RIMS2: variants seen among roughly 807,000 people sequenced by gnomAD.
RIMS2 encodes the protein regulating synaptic membrane exocytosis protein 2.
A neutral mutation model predicts 174.4 loss-of-function variants in RIMS2; 59 were observed. The ratio of observed to expected loss-of-function variants is 0.34; its 90% confidence interval spans 0.27 to 0.42. The LOEUF is 0.42. Among genes scored for constraint, RIMS2 ranks in the 10% least tolerant of loss-of-function variants. The pLI is 1.00. For missense variants in RIMS2, 1,620 were observed against 1,666.3 expected, an observed-to-expected ratio of 0.97 and a Z score of 0.48; for synonymous variants, 606 against 572.5, an observed-to-expected ratio of 1.06 and a Z score of -0.84.
At chr8:103,519,821 TATA>T (rs1265205542) in intron 1 of RIMS2, among the ~76,000 whole-genome samples, 1 of 150,758 alleles carries the variant, frequency 6.6e-6, no homozygotes, top group Non-Finnish European at 1.5e-5. Flanking sequence ...CCTGTAACAA[TATA>T]ATATTTTCAG....
chr8:104,155,084 T>G (rs1199549334), intron 19 of RIMS2, among the ~76,000 whole-genome samples: 2 of 151,722 alleles, frequency 1.3e-5, no homozygotes, highest in African/African-American at 2.4e-5. Context: ...GGGGTGTTAG[T>G]TTTTTTTGTT....
At chr8:104,135,577 G>C (rs1250367720) in intron 19 of RIMS2, among the ~76,000 whole-genome samples, 1 of 140,724 alleles carries the variant, frequency 7.1e-6, no homozygotes, top group African/African-American at 2.7e-5. Context: ...GTGCACTCCA[G>C]CCTGGGTGCC....
chr8:104,126,959 C>T (rs1255039711), intron 19 of RIMS2, among the ~76,000 whole-genome samples: 1 of 152,130 alleles, frequency 6.6e-6, no homozygotes, highest in Non-Finnish European at 1.5e-5. Context: ...TTCATCAGTG[C>T]TACCCTAAGG....
chr8:103,600,520 C>T (rs551506215), intron 1 of RIMS2, among the ~76,000 whole-genome samples: 14 of 152,296 alleles, frequency 9.2e-5, no homozygotes, highest in Admixed American at 2.6e-4. Flanking sequence ...ATCCGCATGC[C>T]TTGGCCTCCC....
At chr8:104,094,855 A>C (rs571995343) in intron 19 of RIMS2, 3 of 557,640 alleles carry the variant, frequency 5.4e-6, no homozygotes, top group Admixed American at 6.7e-5. Context: ...TTCTAATATT[A>C]CTAATTAATA....
intron 19 of RIMS2, among the ~76,000 whole-genome samples, chr8:104,162,395 A>G (rs1028021515): frequency 6.6e-6 from 1 of 152,180 alleles, no homozygotes; most frequent in African/African-American, 2.4e-5. Flanking sequence ...TTTATCAGTC[A>G]TTAAAAAATG....
rs1239124226 is a variant in RIMS2, at chr8:103,562,969, C to T, written c.176+61907C>T. 3.3e-5 allele frequency among the ~76,000 whole-genome samples: 5 copies of T among 152,184 alleles called. No homozygotes were observed. The South Asian group carries it at 1.0e-3, about 32-fold the overall frequency. Reference sequence around the variant, plus strand: ...GTACCTTGGCCCCTTTTAGTCAAGGCTGGAGCAGCTGGGACACAGGGCACC... The same window carrying T: ...GTACCTTGGCCCCTTTTAGTCAAGGTTGGAGCAGCTGGGACACAGGGCACC... On this transcript the variant is annotated intron_variant, in intron 1 of 23. Coordinates refer to ENST00000504942, the Ensembl canonical transcript of RIMS2.
chr8:103,608,251 C>G (rs1364549932), intron 1 of RIMS2, among the ~76,000 whole-genome samples: 2 of 143,140 alleles, frequency 1.4e-5, no homozygotes, highest in East Asian at 1.9e-4. Context: ...TGTTGGAGTA[C>G]TGGGCCCTGT....
At chr8:104,014,208 C>T (rs951518508) in intron 18 of RIMS2, among the ~76,000 whole-genome samples, 1 of 152,040 alleles carries the variant, frequency 6.6e-6, no homozygotes, top group African/African-American at 2.4e-5. Flanking sequence ...TCTTGAGCAG[C>T]GAAATTCTCC....
At chr8:103,521,496 C>A (rs1205601724) in intron 1 of RIMS2, among the ~76,000 whole-genome samples, 1 of 151,830 alleles carries the variant, frequency 6.6e-6, no homozygotes, top group Non-Finnish European at 1.5e-5. Flanking sequence ...ATAAATATTT[C>A]TTCCATGAAT....
chr8:103,717,365 T>C (rs943213254), intron 2 of RIMS2, among the ~76,000 whole-genome samples: 2 of 150,996 alleles, frequency 1.3e-5, no homozygotes, highest in African/African-American at 4.9e-5. Flanking sequence ...GTTTTGAAGA[T>C]ATATGGGTCA....
intron 1 of RIMS2, among the ~76,000 whole-genome samples, chr8:103,563,629 C>T (rs1296254644): frequency 6.6e-6 from 1 of 152,194 alleles, no homozygotes; most frequent in Admixed American, 6.5e-5. Flanking sequence ...TGCCTGTTAC[C>T]CAGTTCCAAA....
chr8:104,236,096 C>G (rs557553798), intron 19 of RIMS2, among the ~76,000 whole-genome samples: 1 of 150,070 alleles, frequency 6.7e-6, no homozygotes, highest in Non-Finnish European at 1.5e-5. Flanking sequence ...CTCTCTATTC[C>G]CTGTATTTCC....
At chr8:103,751,675 A>G (rs1037154405) in intron 2 of RIMS2, among the ~76,000 whole-genome samples, 1 of 151,114 alleles carries the variant, frequency 6.6e-6, no homozygotes, top group South Asian at 2.1e-4. Flanking sequence ...TGTGGTTTTG[A>G]TTTGCATTTC....
At chr8:104,101,725 T>G (rs2097906657) in intron 19 of RIMS2, among the ~76,000 whole-genome samples, 1 of 152,222 alleles carries the variant, frequency 6.6e-6, no homozygotes, top group Admixed American at 6.5e-5. Context: ...GGATTTGTTT[T>G]TCTACTTCTA....
Position 104,178,445 on chromosome 8 carries a change from G to C in RIMS2, c.3335-66471G>C, listed in dbSNP as rs74720285. On this transcript the variant is annotated intron_variant, in intron 19 of 23. Coordinates refer to ENST00000504942, the Ensembl canonical transcript of RIMS2. Reference sequence around the variant, plus strand: ...TCTAATCTTTTCCACCTTGTCTCCCGTTTGTTTCTTTCTTCTGAAAAAACT... The same window carrying C: ...TCTAATCTTTTCCACCTTGTCTCCCCTTTGTTTCTTTCTTCTGAAAAAACT... Among the ~76,000 whole-genome samples, 856 of 151,982 alleles carry C rather than the reference G, an allele frequency of 5.6e-3. 6 individuals are homozygous for C. The highest frequency in any genetic ancestry group is 0.019 in the African/African-American group (792 of 41,440).
chr8:103,662,297 A>T (rs1255927885), intron 1 of RIMS2, among the ~76,000 whole-genome samples: 1 of 152,224 alleles, frequency 6.6e-6, no homozygotes, highest in African/African-American at 2.4e-5. Context: ...AGATCATATC[A>T]CTGTGCATCA....
chr8:103,952,851 A>C (rs1325332096), intron 14 of RIMS2, among the ~76,000 whole-genome samples: 16 of 152,202 alleles, frequency 1.1e-4, no homozygotes, highest in Admixed American at 9.8e-4. Flanking sequence ...ACTGCAAGGA[A>C]GCTAAGAACC....
chr8:104,071,804 T>C (rs535892101), intron 19 of RIMS2, among the ~76,000 whole-genome samples: 146 of 152,290 alleles, frequency 9.6e-4, no homozygotes, highest in African/African-American at 3.2e-3. Flanking sequence ...ATTACTGCTC[T>C]AAGGTGAAGA....
Sources: allele counts gnomAD v4.1 joint callset (sites outside exome capture counted in the v4.1 genomes callset), GRCh38; gene constraint gnomAD v4.1.1; transcripts MANE v1.5; gene names NCBI Gene and HGNC (gene_info 2026-07-23, HGNC 2026-07-21).